Variants in LARGE1 observed in about 807,000 individuals in gnomAD.
LARGE1 encodes xylosyl- and glucuronyltransferase LARGE1.
A neutral mutation model predicts 87.6 loss-of-function variants in LARGE1; 43 were observed. The observed-to-expected ratio is 0.49, with a 90% CI of 0.38 to 0.63. LARGE1 has a LOEUF of 0.63. Among genes scored for constraint, LARGE1 ranks in the 30% least tolerant of loss-of-function variants. The probability of loss-of-function intolerance (pLI) is 0.00; values close to 1 mark genes in which losing one functional copy is unlikely to be tolerated. For synonymous variants in LARGE1, 434 were observed against 394.6 expected, an observed-to-expected ratio of 1.10 and a Z score of -1.18; for missense variants, 802 against 1,000.2, an observed-to-expected ratio of 0.80 and a Z score of 2.67.
chr22:33,379,734 G>A lies in LARGE1; in HGVS notation c.1131+2185C>T, dbSNP rs570052698. The stretch of plus-strand genomic sequence containing the variant: ...AACCAAACACCGCATGTTCTCACTC[G>A]TAGGTGGGAATTGATCAGTGGGGAA... On this transcript the variant is annotated intron_variant, in intron 9 of 14. Transcript: ENST00000397394. Among the ~76,000 whole-genome samples, 109 of 152,242 alleles carry A rather than the reference G, an allele frequency of 7.2e-4. No individual in the cohort carries two copies. In the South Asian group the frequency reaches 0.015, roughly 21 times the overall value.
intron 1 of LARGE1, among the ~76,000 whole-genome samples, chr22:33,865,234 A>G (rs1177923917): frequency 1.3e-5 from 2 of 152,182 alleles, no homozygotes; most frequent in African/African-American, 4.8e-5. Flanking sequence ...GAGCCGTAAA[A>G]TGCCACTATA....
At chr22:33,204,056 G>A (rs1568972573) in intron 11 of LARGE1, among the ~76,000 whole-genome samples, 1 of 152,160 alleles carries the variant, frequency 6.6e-6, no homozygotes, top group Non-Finnish European at 1.5e-5. Context: ...GAATGAATGA[G>A]TGGATGGATG....
At chr22:33,731,768 T>C (rs911413012) in intron 2 of LARGE1, among the ~76,000 whole-genome samples, 1 of 152,222 alleles carries the variant, frequency 6.6e-6, no homozygotes, top group African/African-American at 2.4e-5. Flanking sequence ...TGATGGATTA[T>C]AGACTGTGGT....
chr22:33,539,438 A>C (rs962789800), intron 6 of LARGE1, among the ~76,000 whole-genome samples: 22 of 152,204 alleles, frequency 1.4e-4, no homozygotes, highest in Admixed American at 3.3e-4. Context: ...CCAATGGGGT[A>C]AATAACTTGC....
the LARGE1 span, among the ~76,000 whole-genome samples, chr22:33,118,068 TA>T: frequency 6.6e-6 from 1 of 152,122 alleles, no homozygotes; most frequent in Non-Finnish European, 1.5e-5. Flanking sequence ...AGAGAAAGGA[TA>T]AATGGATTGT....
At chr22:33,149,054 T>G in the LARGE1 span, among the ~76,000 whole-genome samples, 1 of 150,454 alleles carries the variant, frequency 6.6e-6, no homozygotes, top group African/African-American at 2.4e-5. Flanking sequence ...TTTTTTTTTT[T>G]TGAGACAGAG....
chr22:33,741,321 C>T (rs1157838044), intron 2 of LARGE1, among the ~76,000 whole-genome samples: 13 of 152,242 alleles, frequency 8.5e-5, no homozygotes, highest in Non-Finnish European at 1.5e-5. Flanking sequence ...GAAATAGGAA[C>T]ACCACCTCAA....
At chr22:33,681,470 T>A (rs1219831717) in intron 2 of LARGE1, among the ~76,000 whole-genome samples, 1 of 152,228 alleles carries the variant, frequency 6.6e-6, no homozygotes, top group Non-Finnish European at 1.5e-5. Flanking sequence ...TTCTGTTAAA[T>A]AGAATACTAA....
chr22:33,756,281 C>T (rs755352897), intron 2 of LARGE1, among the ~76,000 whole-genome samples: 6 of 152,150 alleles, frequency 3.9e-5, no homozygotes, highest in Non-Finnish European at 8.8e-5. Flanking sequence ...CAAATCTTCT[C>T]CCGGCACTAC....
rs997216022 is a variant in LARGE1 at position 33,273,713 on chromosome 22, G to A, written c.*714C>T. 3 of 398,544 alleles carry A rather than the reference G, an allele frequency of 7.5e-6. No individual in the cohort carries two copies. The highest frequency in any genetic ancestry group is 6.2e-5 in the African/African-American group (3 of 48,596). 24.7% of individuals were successfully genotyped at this position (398,544 alleles called of 1,614,324 possible). A position where few individuals can be genotyped will look rare whatever the true frequency, so the allele number is the denominator to read the frequency against. Reference sequence around the variant, plus strand: ...CCTTCCTGGGCCACTGCTGATAGAGGGTGGTTGGTAGAGGCAGCTGATTTT... The same window carrying A: ...CCTTCCTGGGCCACTGCTGATAGAGAGTGGTTGGTAGAGGCAGCTGATTTT... On this transcript the variant is annotated 3_prime_UTR_variant, in exon 15 of 15. Transcript: ENST00000397394.
At chr22:33,596,176 A>C (rs1290173709) in intron 5 of LARGE1, among the ~76,000 whole-genome samples, 2 of 152,256 alleles carry the variant, frequency 1.3e-5, no homozygotes, top group Non-Finnish European at 2.9e-5. Context: ...CTGTTAAATA[A>C]AGAAAAATCT....
intron 1 of LARGE1, among the ~76,000 whole-genome samples, chr22:33,802,035 GA>G (rs55853555): frequency 0.16 from 23,414 of 144,344 alleles, 1,888 homozygotes; most frequent in Middle Eastern, 0.28. Flanking sequence ...TAACTCTGGA[GA>G]AAAAAAAAAA....
chr22:33,799,605 T>G (rs2086096980), intron 1 of LARGE1, among the ~76,000 whole-genome samples: 1 of 152,140 alleles, frequency 6.6e-6, no homozygotes, highest in South Asian at 2.1e-4. Context: ...CACGCCCGGC[T>G]AATTTTAAGT....
chr22:33,860,904 CT>C (rs1911178630), intron 1 of LARGE1, among the ~76,000 whole-genome samples: 1 of 152,200 alleles, frequency 6.6e-6, no homozygotes, highest in Non-Finnish European at 1.5e-5. Context: ...TGATGACCTA[CT>C]GCACTGCCAC....
chr22:33,856,898 T>C (rs2063771132), intron 1 of LARGE1: 1 of 152,232 alleles, frequency 6.6e-6, no homozygotes, highest in Non-Finnish European at 1.5e-5. Flanking sequence ...AATTTTTGTT[T>C]TTCCAAGAGC....
chr22:33,829,065 G>C (rs1043353882), intron 1 of LARGE1, among the ~76,000 whole-genome samples: 3 of 138,804 alleles, frequency 2.2e-5, no homozygotes, highest in Non-Finnish European at 4.5e-5. Context: ...CTGGAGTGCA[G>C]TGGCGTGATC....
chr22:33,265,517 C>A (rs540673642), intron 11 of LARGE1, among the ~76,000 whole-genome samples: 5 of 152,300 alleles, frequency 3.3e-5, no homozygotes, highest in African/African-American at 1.2e-4. Context: ...GTCTTAGAAG[C>A]CTTCCATGAT....
intron 1 of LARGE1, among the ~76,000 whole-genome samples, chr22:33,894,795 C>T (rs1226955358): frequency 6.6e-6 from 1 of 152,092 alleles, no homozygotes; most frequent in Admixed American, 6.5e-5. Context: ...TGACAGCCAC[C>T]TCATCAGGCT....
At chr22:33,709,538 C>T (rs1349163110) in intron 2 of LARGE1, among the ~76,000 whole-genome samples, 1 of 152,058 alleles carries the variant, frequency 6.6e-6, no homozygotes, top group African/African-American at 2.4e-5. Context: ...CAGTAGCGCG[C>T]TTCCTTCATA....
Sources: gnomAD v4.1 joint callset for allele counts (sites outside exome capture counted in the v4.1 genomes callset) on GRCh38, gnomAD v4.1.1 for gene constraint, MANE v1.5 for transcripts, NCBI Gene and HGNC (gene_info 2026-07-23, HGNC 2026-07-21) for gene names.